ELMO2: variants seen among roughly 807,000 people sequenced by gnomAD.
The protein encoded by ELMO2 is engulfment and cell motility protein 2.
Under a neutral mutation model 96.2 loss-of-function variants are expected in ELMO2, and 37 were observed. The observed-to-expected ratio is 0.38, with a 90% CI of 0.30 to 0.51. ELMO2 has a LOEUF of 0.51. Ranked by LOEUF, ELMO2 falls within the 20% of genes least tolerant of loss-of-function variation. The pLI, the probability that ELMO2 is intolerant of heterozygous loss-of-function variation, is 0.88. For synonymous variants in ELMO2, 315 were observed against 329.4 expected (o/e 0.96, Z 0.47); for missense variants, 561 against 912.6 (o/e 0.61, Z 4.96).
intron 7 of ELMO2, chr20:46,387,750 T>G (rs2060075437): frequency 4.1e-6 from 1 of 245,060 alleles, no homozygotes; most frequent in African/African-American, 2.2e-5. Flanking sequence ...ACATTGGACC[T>G]TTGTCAAACT....
chr20:46,378,525 G>A (rs1017159466), intron 11 of ELMO2, among the ~76,000 whole-genome samples: 4 of 152,242 alleles, frequency 2.6e-5, no homozygotes, highest in Non-Finnish European at 5.9e-5. Context: ...GCAGGAATGT[G>A]TGGGAACCTG....
chr20:46,386,234 G>A lies in ELMO2; in HGVS notation c.567C>T (p.Ile189=). The A allele has an allele frequency of 6.2e-7, 1 of 1,614,100 alleles. No individual in the cohort carries two copies. The highest frequency in any genetic ancestry group is 8.5e-7 in the Non-Finnish European group (1 of 1,180,004). ...YVSQPMVDVS[I]LQRSLAILES... is the part of the protein sequence containing the mutation. ...CCAGGATGGCCAGGGACCTCTGAAG[G>A]ATTGACACGTCCACCATGGGCTGGC... Residue 189 remains isoleucine, a synonymous_variant, in exon 9 of 22, where the codon ATC becomes ATT. Coordinates refer to ENST00000290246, the MANE Select transcript of ELMO2 (RefSeq NM_133171.5).
chr20:46,376,252 AG>A (rs1193056664), intron 11 of ELMO2, among the ~76,000 whole-genome samples: 1 of 152,180 alleles, frequency 6.6e-6, no homozygotes, highest in Non-Finnish European at 1.5e-5. Flanking sequence ...GCTTTGGGAA[AG>A]GCCATTTTCT....
intron 6 of ELMO2, among the ~76,000 whole-genome samples, chr20:46,390,295 AT>A (rs139250830): frequency 0.013 from 1,979 of 152,330 alleles, 32 homozygotes; most frequent in African/African-American, 0.045. Flanking sequence ...TGTAGAAGGG[AT>A]TCTTGCATTG....
At chr20:46,404,649 T>C (rs2060395280) in intron 1 of ELMO2, among the ~76,000 whole-genome samples, 1 of 152,086 alleles carries the variant, frequency 6.6e-6, no homozygotes, top group Admixed American at 6.5e-5. Context: ...TCCCTGGCCA[T>C]AGGTGGTTAC....
In ELMO2 at chr20:46,393,123, A is replaced by G; in HGVS notation, c.213T>C (p.Asn71=). The G allele has an allele frequency of 6.2e-7, 1 of 1,614,114 alleles. No individual in the cohort carries two copies. The highest frequency in any genetic ancestry group is 8.5e-7 in the Non-Finnish European group (1 of 1,179,966). Residue 71 remains asparagine (N), a synonymous_variant, in exon 6 of 22, where the codon AAT becomes AAC. Transcript: ENST00000290246. ...ITEQTRSDIK[N]GTILQLAISP... is the part of the protein sequence containing the mutation. ...AGATAGCCAGTTGTAAGATTGTCCC[A>G]TTCTTAATGTCACTGCGAGTCTGGG... is the stretch of plus-strand genomic sequence containing the variant.
In ELMO2 at chr20:46,371,701, A is replaced by G; in HGVS notation, c.1581-10T>C. On this transcript the variant is annotated splice_polypyrimidine_tract_variant and intron_variant, in intron 17 of 21. Transcript: ENST00000290246. This position sits in a 1 kb window ranked among gnomAD's most constrained non-coding sequence, Gnocchi z 5.9. ...CTTCTCCCTCAGCTCCCTGGGGTGG[A>G]CACACACTGGAGTGAGCGGAAGGTC... 1 of 1,613,896 alleles carries G rather than the reference A, an allele frequency of 6.2e-7. No homozygotes were observed. Among genetic ancestry groups the G allele is most frequent in the East Asian group, 2.2e-5 (1 of 44,880 alleles).
In ELMO2 at chr20:46,395,797, T is replaced by C. The variant is rs185672045; in HGVS notation, c.-50-1265A>G. Among the ~76,000 whole-genome samples the C allele has an allele frequency of 2.2e-4, 33 of 152,344 alleles. No individual in the cohort carries two copies. In the East Asian group the frequency reaches 5.6e-3, roughly 26 times the overall value. ...AGCCAGCATTTCCAGAACATGACAA[T>C]GTAAAGGAACTAGTTTTCCAAGTGC... is the stretch of plus-strand genomic sequence containing the variant. On this transcript the variant is annotated intron_variant, in intron 2 of 21. Transcript: ENST00000290246.
In ELMO2 at chr20:46,374,446, G is replaced by A. The variant is rs370004074; in HGVS notation, c.1171-6C>T. The stretch of plus-strand genomic sequence containing the variant: ...CTACTGTTCTCCAAGACAATCTGTC[G>A]GGGGAAGAGAAAGGGAGGATTAGGG... On this transcript the variant is annotated splice_region_variant and splice_polypyrimidine_tract_variant and intron_variant, in intron 14 of 21. Coordinates refer to ENST00000290246, the MANE Select transcript of ELMO2 (RefSeq NM_133171.5). The A allele has an allele frequency of 2.0e-5, 33 of 1,613,718 alleles. No individual in the cohort carries two copies. Among genetic ancestry groups the A allele is most frequent in the South Asian group, 1.8e-4 (16 of 91,072 alleles).
At chr20:46,394,818 G>A (rs551324615) in intron 2 of ELMO2, among the ~76,000 whole-genome samples, 1 of 152,334 alleles carries the variant, frequency 6.6e-6, no homozygotes, top group South Asian at 2.1e-4. Flanking sequence ...CAGTGGTAGA[G>A]GAATGTATTT....
At chr20:46,370,656 A>G (rs2059684202) in intron 19 of ELMO2, 131 bp from the exon 20 acceptor site, 1 of 823,892 alleles carries the variant, frequency 1.2e-6, no homozygotes, top group South Asian at 1.5e-5. Context: ...GGGCTGCTGT[A>G]TGAGCTCAGT....
intron 5 of ELMO2, 99 bp downstream of exon 5, chr20:46,393,430 A>T (rs1181788066): frequency 1.5e-6 from 2 of 1,311,484 alleles, no homozygotes; most frequent in African/African-American, 1.5e-5. Context: ...CAACACATGG[A>T]AGCTACCTGG....
At chr20:46,383,657 T>C (rs1031345611) in intron 9 of ELMO2, among the ~76,000 whole-genome samples, 163 bp from the exon 10 acceptor site, 1 of 152,200 alleles carries the variant, frequency 6.6e-6, no homozygotes, top group African/African-American at 2.4e-5. Flanking sequence ...CCCAGCAATT[T>C]CACTAATAGG....
At chr20:46,398,881 C>T (rs191004176) in intron 1 of ELMO2, 110 bp from the exon 2 acceptor site, 7 of 152,336 alleles carry the variant, frequency 4.6e-5, no homozygotes, top group South Asian at 2.1e-4. Context: ...GACTCCAAAG[C>T]GAGTTCTCAT....
At chr20:46,392,440 CT>C (rs2035582714) in intron 6 of ELMO2, among the ~76,000 whole-genome samples, 1 of 152,216 alleles carries the variant, frequency 6.6e-6, no homozygotes, top group Non-Finnish European at 1.5e-5. Context: ...TCAAAGGTTC[CT>C]ACTACCACCA....
intron 21 of ELMO2, among the ~76,000 whole-genome samples, chr20:46,368,510 T>C (rs1205889886): frequency 1.3e-5 from 2 of 151,930 alleles, no homozygotes; most frequent in African/African-American, 4.8e-5. Context: ...CCCAGGTAAA[T>C]GACTCATTCC....
At chr20:46,373,649 G>C in intron 15 of ELMO2, 114 bp from the exon 16 acceptor site, 1 of 1,352,784 alleles carries the variant, frequency 7.4e-7, no homozygotes. Context: ...CCTAAGGCGC[G>C]CAATTAACAG....
chr20:46,371,698 T>A lies in ELMO2; in HGVS notation c.1581-7A>T. 6.2e-7 allele frequency: 1 copy of A among 1,613,696 alleles called. No homozygotes were observed. Among genetic ancestry groups the A allele is most frequent in the South Asian group, 1.1e-5 (1 of 91,070 alleles). On this transcript the variant is annotated splice_polypyrimidine_tract_variant and splice_region_variant and intron_variant, in intron 17 of 21. Coordinates refer to ENST00000290246, the MANE Select transcript of ELMO2 (RefSeq NM_133171.5). This position sits in a 1 kb window ranked among gnomAD's most constrained non-coding sequence, Gnocchi z 5.9. ...GATCTTCTCCCTCAGCTCCCTGGGG[T>A]GGACACACACTGGAGTGAGCGGAAG...
chr20:46,384,883 G>A (rs1402560014), intron 9 of ELMO2, among the ~76,000 whole-genome samples: 2 of 151,842 alleles, frequency 1.3e-5, no homozygotes, highest in Admixed American at 6.6e-5. Context: ...GGGGAGGATC[G>A]CTTGAGCCTG....
Sources: gnomAD v4.1 joint callset for allele counts (sites outside exome capture counted in the v4.1 genomes callset) on GRCh38, gnomAD v4.1.1 for gene constraint, Gnocchi (gnomAD v3.1) non-coding constraint, MANE v1.5 for transcripts, NCBI Gene and HGNC (gene_info 2026-07-23, HGNC 2026-07-21) for gene names.